ADARB2: variants seen among roughly 807,000 people sequenced by gnomAD.
ADARB2 encodes the protein inactive double-stranded RNA-specific editase B2.
ADARB2 carries 25 observed loss-of-function variants against 62.2 expected under a neutral mutation model. The observed-to-expected ratio is 0.40, with a 90% CI of 0.29 to 0.56. The LOEUF is 0.56. ADARB2 is among the 20% of genes least tolerant of loss of function. ADARB2 has a pLI of 0.43. For synonymous variants in ADARB2, 572 were observed against 500.8 expected, an observed-to-expected ratio of 1.14 and a Z score of -1.90; for missense variants, 1,071 against 1,077.4, an observed-to-expected ratio of 0.99 and a Z score of 0.08.
chr10:1,489,045 C>G (rs1194919945), intron 1 of ADARB2, among the ~76,000 whole-genome samples: 1 of 152,270 alleles, frequency 6.6e-6, no homozygotes, highest in Admixed American at 6.5e-5. Context: ...GCAAGCGCGA[C>G]TGCGCACCTC....
chr10:1,292,119 G>C (rs1397753409), intron 3 of ADARB2: 1 of 152,264 alleles, frequency 6.6e-6, no homozygotes, highest in Non-Finnish European at 1.5e-5. Flanking sequence ...TCTGCACTGG[G>C]TGTTTCCAGA....
intron 1 of ADARB2, among the ~76,000 whole-genome samples, chr10:1,509,712 T>C (rs1004440273): frequency 1.3e-5 from 2 of 152,374 alleles, no homozygotes; most frequent in Admixed American, 1.3e-4. Flanking sequence ...ATTAGGTCCG[T>C]GCAGGCTCAA....
intron 1 of ADARB2, among the ~76,000 whole-genome samples, chr10:1,506,910 G>T (rs11250572): frequency 6.6e-6 from 1 of 152,214 alleles, no homozygotes; most frequent in Non-Finnish European, 1.5e-5. Context: ...TCCCTGCCGT[G>T]TGAGGACGCA....
At position 1,363,329 on chromosome 10, in the gene ADARB2, C is replaced by T. The variant is rs967357807; in HGVS notation, c.776G>A (p.Arg259His). ...GGTCGGGCCCACCAGGTCCAGCGCG[C>T]GGCACAGCAGCCGCCGTCGCCCGTA... ...AAYGRRRLLC[R>H]ALDLVGPTPA... The change falls in exon 3 of 10, where the codon CGC (arginine) becomes CAC (histidine). Residue 259 changes from arginine (R) to histidine (H), a missense_variant. Transcript: ENST00000381312. The T allele has an allele frequency of 9.0e-5, 112 of 1,239,844 alleles. No homozygotes were observed. The highest frequency in any genetic ancestry group is 1.1e-4 in the Non-Finnish European group (109 of 991,982). The allele number at this position is 1,239,844 out of a possible 1,614,324, so 76.8% of individuals were successfully genotyped here. A position where few individuals can be genotyped will look rare whatever the true frequency, so the allele number is the denominator to read the frequency against.
intron 1 of ADARB2, among the ~76,000 whole-genome samples, chr10:1,472,989 C>G (rs561207614): frequency 1.6e-4 from 25 of 152,270 alleles, no homozygotes; most frequent in African/African-American, 5.1e-4. Context: ...AGCAGCTTCC[C>G]GATAGGATCT....
intron 4 of ADARB2, among the ~76,000 whole-genome samples, chr10:1,244,560 C>T (rs1273555097): frequency 1.3e-5 from 2 of 152,182 alleles, no homozygotes; most frequent in African/African-American, 2.4e-5. Flanking sequence ...ATTACGTGGC[C>T]CAAGAAGTGT....
chr10:1,265,268 C>T (rs754284166), intron 4 of ADARB2, among the ~76,000 whole-genome samples: 2 of 152,240 alleles, frequency 1.3e-5, no homozygotes, highest in Non-Finnish European at 2.9e-5. Flanking sequence ...TGTAAAAATG[C>T]TGTCAAAATT....
At chr10:1,405,876 T>A (rs1008233608) in intron 1 of ADARB2, among the ~76,000 whole-genome samples, 2 of 151,854 alleles carry the variant, frequency 1.3e-5, no homozygotes, top group Non-Finnish European at 2.9e-5. Context: ...TATGAAACCC[T>A]TCGCCATGAT....
intron 4 of ADARB2, 68 bp from the exon 5 acceptor site, chr10:1,242,367 C>T: frequency 6.8e-7 from 1 of 1,473,710 alleles, no homozygotes; most frequent in Non-Finnish European, 9.0e-7. Flanking sequence ...TCGGTCTTTT[C>T]AGGGTCTCAC....
intron 1 of ADARB2, among the ~76,000 whole-genome samples, chr10:1,712,942 G>T (rs1834969231): frequency 6.6e-6 from 1 of 152,096 alleles, no homozygotes; most frequent in Non-Finnish European, 1.5e-5. Flanking sequence ...GGTCAAAAAT[G>T]ATTTTTCCTA....
chr10:1,641,511 T>C (rs189493908), intron 1 of ADARB2, among the ~76,000 whole-genome samples: 1 of 152,360 alleles, frequency 6.6e-6, no homozygotes, highest in African/African-American at 2.4e-5. Flanking sequence ...ACTGGGGTTT[T>C]AGCCAGAAAC....
chr10:1,541,168 T>G (rs76147461), intron 1 of ADARB2, among the ~76,000 whole-genome samples: 35 of 43,916 alleles, frequency 8.0e-4, no homozygotes, highest in African/African-American at 2.5e-3. Context: ...CCACTCACAC[T>G]CAGTTCAGAC....
chr10:1,557,375 C>T (rs890395954), intron 1 of ADARB2, among the ~76,000 whole-genome samples: 14 of 152,134 alleles, frequency 9.2e-5, no homozygotes, highest in African/African-American at 3.4e-4. Flanking sequence ...CAGCCAGGCT[C>T]CTTGAAACCT....
intron 1 of ADARB2, among the ~76,000 whole-genome samples, chr10:1,474,105 T>C (rs558548408): frequency 6.0e-4 from 89 of 147,184 alleles, no homozygotes; most frequent in African/African-American, 2.1e-3. Context: ...GTTGCTGGCA[T>C]CCTCTCCACT....
intron 1 of ADARB2, among the ~76,000 whole-genome samples, chr10:1,460,340 G>A (rs1421837076): frequency 6.3e-5 from 3 of 47,560 alleles, no homozygotes; most frequent in African/African-American, 1.5e-4. Flanking sequence ...TGTGACCTGA[G>A]TTTACCTGTG....
chr10:1,351,061 G>T (rs181805259), intron 3 of ADARB2, among the ~76,000 whole-genome samples: 1 of 152,142 alleles, frequency 6.6e-6, no homozygotes, highest in East Asian at 1.9e-4. Flanking sequence ...AGGAATGCCC[G>T]CAACCCAGGA....
At chr10:1,711,648 C>G in intron 1 of ADARB2, among the ~76,000 whole-genome samples, 1 of 152,210 alleles carries the variant, frequency 6.6e-6, no homozygotes, top group Non-Finnish European at 1.5e-5. Flanking sequence ...CTCAGGAACA[C>G]AGTTGTGTCT....
At chr10:1,490,678 C>T (rs1466483501) in intron 1 of ADARB2, among the ~76,000 whole-genome samples, 1 of 152,186 alleles carries the variant, frequency 6.6e-6, no homozygotes, top group Non-Finnish European at 1.5e-5. Flanking sequence ...TGGTCTTGAA[C>T]TCCTGACCTC....
At chr10:1,272,106 A>G (rs893622346) in intron 3 of ADARB2, among the ~76,000 whole-genome samples, 4 of 152,168 alleles carry the variant, frequency 2.6e-5, no homozygotes, top group Admixed American at 6.5e-5. Flanking sequence ...TATTTTCATC[A>G]TTATCATCAT....
Sources: allele counts gnomAD v4.1 joint callset (sites outside exome capture counted in the v4.1 genomes callset), GRCh38; gene constraint gnomAD v4.1.1; transcripts MANE v1.5; gene names NCBI Gene and HGNC (gene_info 2026-07-23, HGNC 2026-07-21).